ADIPOR2: variants seen among roughly 807,000 people sequenced by gnomAD.
ADIPOR2 encodes the protein adiponectin receptor protein 2.
Under a neutral mutation model 40.9 loss-of-function variants are expected in ADIPOR2, and 18 were observed. That is an observed-to-expected ratio of 0.44 (90% CI 0.30 to 0.65). ADIPOR2 has a LOEUF of 0.65. Among genes scored for constraint, ADIPOR2 ranks in the 30% least tolerant of loss-of-function variants. The pLI, the probability that ADIPOR2 is intolerant of heterozygous loss-of-function variation, is 0.09. For synonymous variants in ADIPOR2, 165 were observed against 166.4 expected (o/e 0.99, Z 0.06); for missense variants, 283 against 479.2 (o/e 0.59, Z 3.82).
At chr12:1,736,269 A>C (rs968665967) in intron 1 of ADIPOR2, among the ~76,000 whole-genome samples, 23 of 152,250 alleles carry the variant, frequency 1.5e-4, no homozygotes, top group Middle Eastern at 3.4e-3. Flanking sequence ...CCTCAATTTC[A>C]GAGCCTGTTA....
intron 7 of ADIPOR2, among the ~76,000 whole-genome samples, chr12:1,785,513 T>C (rs1862809008): frequency 6.6e-6 from 1 of 152,230 alleles, no homozygotes; most frequent in South Asian, 2.1e-4. Flanking sequence ...CTCTTGTCCA[T>C]GACAAAATGT....
chr12:1,713,465 G>A (rs2094681569), intron 1 of ADIPOR2, among the ~76,000 whole-genome samples: 2 of 152,080 alleles, frequency 1.3e-5, no homozygotes, highest in South Asian at 4.1e-4. Context: ...CAGGCCTTAA[G>A]GGATATTGCC....
At chr12:1,714,189 G>A (rs931730587) in intron 1 of ADIPOR2, among the ~76,000 whole-genome samples, 1 of 152,100 alleles carries the variant, frequency 6.6e-6, no homozygotes, top group Non-Finnish European at 1.5e-5. Flanking sequence ...AGCCTAACCG[G>A]GTGATTGGCC....
intron 2 of ADIPOR2, among the ~76,000 whole-genome samples, chr12:1,766,484 A>G (rs967409443): frequency 1.3e-5 from 2 of 152,140 alleles, no homozygotes; most frequent in African/African-American, 4.8e-5. Flanking sequence ...TCTTTTTGCA[A>G]TTTATATCAG....
intron 1 of ADIPOR2, among the ~76,000 whole-genome samples, chr12:1,724,676 T>C (rs559249106): frequency 1.3e-5 from 2 of 152,168 alleles, no homozygotes; most frequent in Non-Finnish European, 2.9e-5. Flanking sequence ...CCATCATGCC[T>C]GGCTAATTTT....
intron 1 of ADIPOR2, among the ~76,000 whole-genome samples, chr12:1,721,306 C>G (rs368097670): frequency 1.0e-3 from 154 of 149,480 alleles, no homozygotes; most frequent in African/African-American, 3.3e-3. Flanking sequence ...ACCTCCACCT[C>G]CCGGGTTCAA....
chr12:1,727,580 C>T (rs1370916716), intron 1 of ADIPOR2, among the ~76,000 whole-genome samples: 1 of 152,158 alleles, frequency 6.6e-6, no homozygotes, highest in Non-Finnish European at 1.5e-5. Context: ...CATGTGCTCC[C>T]TGGCACCCAC....
chr12:1,742,370 G>A (rs1418428901), intron 1 of ADIPOR2, among the ~76,000 whole-genome samples: 1 of 152,240 alleles, frequency 6.6e-6, no homozygotes, highest in East Asian at 1.9e-4. Context: ...TGGGATTACA[G>A]GCGTGAGCCA....
rs140045963 is a variant in ADIPOR2 at position 1,703,719 on chromosome 12, G to GAATA, written c.-87+12552_-87+12555dup. On this transcript the variant is annotated intron_variant, in intron 1 of 7. Transcript: ENST00000357103. ...GTGACAGAGTGAAACTCTGTCTCAC[G>GAATA]AATAAATAAATAAATAAATAAATAA... Among the ~76,000 whole-genome samples the GAATA allele has an allele frequency of 7.6e-3, 1,151 of 151,516 alleles. 15 individuals carry two copies. The highest frequency in any genetic ancestry group is 0.031 in the Middle Eastern group (9 of 294).
chr12:1,754,383 A>T lies in ADIPOR2; in HGVS notation c.40A>T (p.Thr14Ser). 1 of 1,611,874 alleles carries T rather than the reference A, an allele frequency of 6.2e-7. No homozygotes were observed. The highest frequency in any genetic ancestry group is 8.5e-7 in the Non-Finnish European group (1 of 1,179,060). The change falls in exon 2 of 8, where the codon ACT becomes TCT. Residue 14 changes from threonine to serine, a missense_variant. Physicochemically the swap from Thr to Ser is moderately conservative, Grantham distance 58. Coordinates refer to ENST00000357103, the MANE Select transcript of ADIPOR2 (RefSeq NM_024551.3). ...PTENRLGCSR[T>S]PEPDIRLRKG... ...AGAAAACCGATTGGGGTGCAGCAGG[A>T]CTCCAGAGCCAGATATAAGGCTCAG...
intron 2 of ADIPOR2, among the ~76,000 whole-genome samples, chr12:1,763,749 C>T (rs1022079018): frequency 4.6e-5 from 7 of 152,084 alleles, no homozygotes; most frequent in African/African-American, 9.7e-5. Flanking sequence ...GAGGCTGAGG[C>T]GGGCAGATCG....
At chr12:1,768,291 C>T (rs546325861) in intron 2 of ADIPOR2, among the ~76,000 whole-genome samples, 1 of 152,264 alleles carries the variant, frequency 6.6e-6, no homozygotes, top group African/African-American at 2.4e-5. Context: ...TCCTAAATGC[C>T]CCCGAAGCTC....
In ADIPOR2 at chr12:1,754,586, A is replaced by G. The variant is rs1862072228; in HGVS notation, c.171+72A>G. 3.5e-6 allele frequency: 5 copies of G among 1,439,356 alleles called. No homozygotes were observed. The South Asian group carries it at 6.1e-5, about 17-fold the overall frequency. The allele number at this position is 1,439,356 out of a possible 1,614,324, so 89.2% of individuals were successfully genotyped here. A position where few individuals can be genotyped will look rare whatever the true frequency, so the allele number is the denominator to read the frequency against. ...AAGTGGCAGAGGGAGGATATGGGGA[A>G]AAAAAAGTGGGGGTCCATTGCTGGA... On this transcript the variant is annotated intron_variant, in intron 2 of 7. Transcript: ENST00000357103.
At position 1,786,657 on chromosome 12, in the gene ADIPOR2, A is replaced by G. The variant is rs1486625032; in HGVS notation, c.*585A>G. 1 of 152,930 alleles carries G rather than the reference A, an allele frequency of 6.5e-6. No homozygotes were observed. The highest frequency in any genetic ancestry group is 2.4e-5 in the African/African-American group (1 of 41,460). The allele number at this position is 152,930 out of a possible 1,614,324, so 9.5% of individuals were successfully genotyped here. On this transcript the variant is annotated 3_prime_UTR_variant, in exon 8 of 8. Transcript: ENST00000357103. ...AGAATGAAACATGCAAGTACCACAC[A>G]CTGTTTGAATTTTGCACAAAAAGTG...
chr12:1,740,722 A>G (rs750845835), intron 1 of ADIPOR2, among the ~76,000 whole-genome samples: 19 of 152,200 alleles, frequency 1.2e-4, no homozygotes, highest in Non-Finnish European at 2.4e-4. Context: ...TTACGTATGT[A>G]TGTGTGTGTA....
Position 1,786,182 on chromosome 12 carries a change from C to A in ADIPOR2, c.*110C>A. 1 of 1,443,666 alleles carries A rather than the reference C, an allele frequency of 6.9e-7. No homozygotes were observed. The highest frequency in any genetic ancestry group is 1.4e-5 in the South Asian group (1 of 73,102). The allele number at this position is 1,443,666 out of a possible 1,614,324, so 89.4% of individuals were successfully genotyped here. A position where few individuals can be genotyped will look rare whatever the true frequency, so the allele number is the denominator to read the frequency against. On this transcript the variant is annotated 3_prime_UTR_variant, in exon 8 of 8. Coordinates refer to ENST00000357103, the MANE Select transcript of ADIPOR2 (RefSeq NM_024551.3). ...CAGAGGAGCCCCAAAACTTTGACAG[C>A]CTCGTGGGCTTTGTGACGGCCCAGT... is the stretch of plus-strand genomic sequence containing the variant.
At chr12:1,757,433 G>C (rs1035080631) in intron 2 of ADIPOR2, 5 of 729,546 alleles carry the variant, frequency 6.9e-6, no homozygotes, top group Non-Finnish European at 1.3e-5. Context: ...GCCTCTCTCT[G>C]TTGGTTATCA....
rs1357567243 is a variant in ADIPOR2, at chr12:1,746,345, G to A, written c.-86-7913G>A. 2.6e-5 allele frequency among the ~76,000 whole-genome samples: 4 copies of A among 151,922 alleles called. No individual in the cohort carries two copies. The East Asian group carries it at 5.8e-4, about 22-fold the overall frequency. On this transcript the variant is annotated intron_variant, in intron 1 of 7. Transcript: ENST00000357103. ...TTTACTAAAAATACAAAGATTAGCCGGGCATGGTGGTGTGTGCCTGTAATC... is the reference window on the plus strand; with the variant it reads ...TTTACTAAAAATACAAAGATTAGCCAGGCATGGTGGTGTGTGCCTGTAATC...
chr12:1,748,892 A>G (rs2094762890), intron 1 of ADIPOR2, among the ~76,000 whole-genome samples: 1 of 151,836 alleles, frequency 6.6e-6, no homozygotes, highest in Non-Finnish European at 1.5e-5. Context: ...GTTCGACACT[A>G]TCTCCGGGTC....
Sources: allele counts gnomAD v4.1 joint callset (sites outside exome capture counted in the v4.1 genomes callset), GRCh38; gene constraint gnomAD v4.1.1; transcripts MANE v1.5; gene names NCBI Gene and HGNC (gene_info 2026-07-23, HGNC 2026-07-21).